COPS3: variants seen among roughly 807,000 people sequenced by gnomAD.
COPS3 encodes COP9 signalosome complex subunit 3.
COPS3 carries 10 observed loss-of-function variants against 58.2 expected under a neutral mutation model. That is an observed-to-expected ratio of 0.17 (90% CI 0.11 to 0.29). The LOEUF (loss-of-function observed/expected upper bound fraction) is 0.29, where lower values mean the gene tolerates loss of function less well. COPS3 is among the 10% of genes least tolerant of loss of function. The probability of loss-of-function intolerance (pLI) is 1.00; values close to 1 mark genes in which losing one functional copy is unlikely to be tolerated. For synonymous variants in COPS3, 187 were observed against 181.7 expected (o/e 1.03, Z -0.24); for missense variants, 333 against 510.1 (o/e 0.65, Z 3.34).
chr17:17,281,226 G>A lies in COPS3; in HGVS notation c.-40C>T, dbSNP rs765942924. On this transcript the variant is annotated 5_prime_UTR_variant, in exon 1 of 12. Transcript: ENST00000268717. ...GGCCCGAGCGGCGAAGGCAGCACGC[G>A]CGGGAAAAGGCTGCCGCTCTGGGAG... The A allele has an allele frequency of 6.9e-6, 11 of 1,589,862 alleles. No homozygotes were observed. Among genetic ancestry groups the A allele is most frequent in the African/African-American group, 5.4e-5 (4 of 74,688 alleles).
intron 2 of COPS3, among the ~76,000 whole-genome samples, chr17:17,274,069 A>G (rs6502568): frequency 0.71 from 107,455 of 152,114 alleles, 38,178 homozygotes; most frequent in East Asian, 0.85. Context: ...ACATAAACAT[A>G]TATATCAGGT....
intron 6 of COPS3, 104 bp from the exon 7 acceptor site, chr17:17,262,210 A>C: frequency 9.4e-7 from 1 of 1,060,798 alleles, no homozygotes; most frequent in Non-Finnish European, 1.4e-6. Context: ...TACTTTTTAA[A>C]TGTCCCATTA....
chr17:17,261,746 T>C (rs1195833035), intron 7 of COPS3: 7 of 489,196 alleles, frequency 1.4e-5, no homozygotes, highest in Non-Finnish European at 2.6e-5. Flanking sequence ...TCTATAGCTG[T>C]AAGTATCTAG....
intron 2 of COPS3, among the ~76,000 whole-genome samples, chr17:17,273,184 G>A (rs1377257894): frequency 1.3e-5 from 2 of 152,216 alleles, no homozygotes; most frequent in African/African-American, 2.4e-5. Flanking sequence ...ACAAAGGTAT[G>A]TGTCCGGAGC....
chr17:17,262,014 T>C lies in COPS3; in HGVS notation c.714A>G (p.Val238=). The C allele has an allele frequency of 3.1e-6, 5 of 1,606,824 alleles. No homozygotes were observed. The highest frequency in any genetic ancestry group is 3.3e-4 in the Middle Eastern group (2 of 6,036). The change falls in exon 7 of 12, where the codon GTA becomes GTG. Residue 238 remains valine, a synonymous_variant. Coordinates refer to ENST00000268717, the MANE Select transcript of COPS3 (RefSeq NM_003653.4). ...ILVSLILLGK[V]QQLPKYTSQI... ...GAGATGTATATTTTGGTAGCTGTTGTACTTTGCCAAGTAATATCAAAGACA... is the reference window on the plus strand; with the variant it reads ...GAGATGTATATTTTGGTAGCTGTTGCACTTTGCCAAGTAATATCAAAGACA...
intron 9 of COPS3, among the ~76,000 whole-genome samples, chr17:17,251,817 G>A (rs1230914019): frequency 6.6e-6 from 1 of 151,852 alleles, no homozygotes; most frequent in South Asian, 2.1e-4. Context: ...CGGGCACGGT[G>A]GCTCATGCCT....
At chr17:17,278,247 C>T (rs967135246) in intron 1 of COPS3, among the ~76,000 whole-genome samples, 2 of 152,170 alleles carry the variant, frequency 1.3e-5, no homozygotes, top group South Asian at 2.1e-4. Context: ...CACACTCTGT[C>T]TTTCTGGTAA....
At chr17:17,281,102 C>T (rs1351806908) in intron 1 of COPS3, 30 bp downstream of exon 1, 2 of 1,600,120 alleles carry the variant, frequency 1.2e-6, no homozygotes, top group South Asian at 2.2e-5. Context: ...GGTACCCGCC[C>T]ATGCCCAGCC....
chr17:17,280,638 GC>G (rs1280510213), intron 1 of COPS3: 1 of 1,303,558 alleles, frequency 7.7e-7, no homozygotes, highest in East Asian at 5.6e-5. Context: ...AGCGTGCGCC[GC>G]CTGGCAGCGG....
At chr17:17,273,003 T>C (rs1177783797) in intron 2 of COPS3, among the ~76,000 whole-genome samples, 1 of 152,268 alleles carries the variant, frequency 6.6e-6, no homozygotes, top group African/African-American at 2.4e-5. Flanking sequence ...CTTATTTTAA[T>C]TGGGGTTCCT....
chr17:17,279,705 T>C (rs2048534903), intron 1 of COPS3, among the ~76,000 whole-genome samples: 1 of 152,184 alleles, frequency 6.6e-6, no homozygotes, highest in Non-Finnish European at 1.5e-5. Context: ...TAACAATAAT[T>C]TGCAGCTATA....
intron 4 of COPS3, 60 bp from the exon 5 acceptor site, chr17:17,268,037 A>G: frequency 6.3e-7 from 1 of 1,584,316 alleles, no homozygotes; most frequent in Non-Finnish European, 8.6e-7. Flanking sequence ...ATTGGATCTT[A>G]TGTTGTCACT....
intron 9 of COPS3, among the ~76,000 whole-genome samples, chr17:17,253,957 C>T (rs2145195326): frequency 6.6e-6 from 1 of 152,108 alleles, no homozygotes; most frequent in South Asian, 2.1e-4. Flanking sequence ...CACCACTGCA[C>T]TCCAGCCTGG....
At chr17:17,275,224 G>C (rs1429387504) in intron 2 of COPS3, among the ~76,000 whole-genome samples, 1 of 151,336 alleles carries the variant, frequency 6.6e-6, no homozygotes, top group Non-Finnish European at 1.5e-5. Context: ...CTGAGTAGCT[G>C]GGACTACAGG....
chr17:17,267,723 C>T (rs2048258855), intron 5 of COPS3, among the ~76,000 whole-genome samples, 162 bp downstream of exon 5: 1 of 152,016 alleles, frequency 6.6e-6, no homozygotes, highest in Non-Finnish European at 1.5e-5. Flanking sequence ...CAGTTTGCAT[C>T]CAGCACCCGC....
intron 11 of COPS3, 24 bp downstream of exon 11, chr17:17,247,456 T>C: frequency 6.2e-7 from 1 of 1,609,880 alleles, no homozygotes; most frequent in Non-Finnish European, 8.5e-7. Context: ...AGCCTACTTC[T>C]TGTAATAAGG....
chr17:17,256,348 A>G (rs1389603802), intron 8 of COPS3, among the ~76,000 whole-genome samples: 4 of 152,148 alleles, frequency 2.6e-5, no homozygotes, highest in Non-Finnish European at 1.5e-5. Flanking sequence ...TGTATAATCT[A>G]TTAAATATAA....
In COPS3 at chr17:17,267,971, G is replaced by A; in HGVS notation, c.355C>T (p.Arg119Ter). The change falls in exon 5 of 12, where the codon CGA becomes TGA. Residue 119 changes from arginine (R) to a stop codon, truncating the protein, a stop_gained. Coordinates refer to ENST00000268717, the MANE Select transcript of COPS3 (RefSeq NM_003653.4). LOFTEE classifies it high-confidence loss of function. Reference sequence around the variant, plus strand: ...GCTTGCTTAAGGATGCCAATTCCTCGCAGGGGCTGTCAGAAATGACATCTC... The same window carrying A: ...GCTTGCTTAAGGATGCCAATTCCTCACAGGGGCTGTCAGAAATGACATCTC... ...NALVERKQPL[R>*]GIGILKQAID... 3 of 1,613,588 alleles carry A rather than the reference G, an allele frequency of 1.9e-6. No individual in the cohort carries two copies. The highest frequency in any genetic ancestry group is 1.7e-5 in the Admixed American group (1 of 59,972).
At chr17:17,267,853 C>T (rs1218959431) in intron 5 of COPS3, 32 bp downstream of exon 5, 1 of 1,607,924 alleles carries the variant, frequency 6.2e-7, no homozygotes, top group Non-Finnish European at 8.5e-7. Flanking sequence ...ACACCTCTGA[C>T]TTGGTGTGAA....
Sources: allele counts gnomAD v4.1 joint callset (sites outside exome capture counted in the v4.1 genomes callset), GRCh38; gene constraint gnomAD v4.1.1; transcripts MANE v1.5; gene names NCBI Gene and HGNC (gene_info 2026-07-23, HGNC 2026-07-21).